Variants in TUNAR observed in about 807,000 individuals in gnomAD.
TUNAR encodes the protein transmembrane neural differentiation associated intracellular calcium regulator.
intron 2 of TUNAR, among the ~76,000 whole-genome samples, chr14:95,921,278 T>C (rs1043181479): frequency 7.9e-5 from 12 of 152,118 alleles, no homozygotes; most frequent in Non-Finnish European, 1.3e-4. Flanking sequence ...AGCTGACACA[T>C]AAATTTAACC....
intron 2 of TUNAR, among the ~76,000 whole-genome samples, chr14:95,915,819 A>G (rs1322313172): frequency 6.6e-6 from 1 of 152,252 alleles, no homozygotes; most frequent in Non-Finnish European, 1.5e-5. Context: ...GCAGCCCAAC[A>G]GAGGACTGGC....
intron 2 of TUNAR, among the ~76,000 whole-genome samples, chr14:95,881,848 T>C (rs547235071): frequency 2.0e-5 from 3 of 152,348 alleles, no homozygotes; most frequent in East Asian, 3.9e-4. Context: ...TGAAATACTC[T>C]GTCACCCCAT....
At chr14:95,920,190 G>A (rs1316726646) in intron 2 of TUNAR, among the ~76,000 whole-genome samples, 1 of 152,118 alleles carries the variant, frequency 6.6e-6, no homozygotes, top group African/African-American at 2.4e-5. Flanking sequence ...TTCCATTTAC[G>A]CAGAATTCAA....
At chr14:95,889,552 T>G (rs1363105227) in intron 2 of TUNAR, among the ~76,000 whole-genome samples, 1 of 150,744 alleles carries the variant, frequency 6.6e-6, no homozygotes, top group Non-Finnish European at 1.5e-5. Context: ...GGCTGTGAAC[T>G]TTCAGGTTCT....
intron 2 of TUNAR, among the ~76,000 whole-genome samples, chr14:95,907,266 C>T (rs951388246): frequency 4.1e-4 from 63 of 152,148 alleles, no homozygotes; most frequent in African/African-American, 1.5e-3. Context: ...GATGAACTTG[C>T]GTGTGTGTTT....
rs1036679607 is a variant in TUNAR at position 95,895,590 on chromosome 14, A to G, written c.12+18413A>G. ...AGGATCATGGTTCGCTCAGCCTCAC[A>G]TTGCTACAAAGTGGGAATTTTACCA... is the stretch of plus-strand genomic sequence containing the variant. On this transcript the variant is annotated intron_variant, in intron 2 of 2. Transcript: ENST00000678517. The surrounding 1 kb of genome is among the most constrained non-coding windows in gnomAD (Gnocchi z 4.5). 1.3e-5 allele frequency among the ~76,000 whole-genome samples: 2 copies of G among 152,192 alleles called. No homozygotes were observed. Among genetic ancestry groups the G allele is most frequent in the African/African-American group, 4.8e-5 (2 of 41,436 alleles).
At chr14:95,919,750 T>C (rs974156493) in intron 2 of TUNAR, among the ~76,000 whole-genome samples, 1 of 151,994 alleles carries the variant, frequency 6.6e-6, no homozygotes, top group Admixed American at 6.6e-5. Context: ...ATATATGTAG[T>C]TTAAAATGCA....
At chr14:95,894,918 A>G (rs1390911938) in intron 2 of TUNAR, among the ~76,000 whole-genome samples, 1 of 152,240 alleles carries the variant, frequency 6.6e-6, no homozygotes, top group Non-Finnish European at 1.5e-5. Context: ...AGTCCACAGC[A>G]TGTGCATATT....
At chr14:95,881,236 C>T (rs1041795883) in intron 2 of TUNAR, among the ~76,000 whole-genome samples, 4 of 152,216 alleles carry the variant, frequency 2.6e-5, no homozygotes, top group Non-Finnish European at 4.4e-5. Context: ...TTTCTTTTAA[C>T]TACACGAGGT....
chr14:95,919,597 C>T (rs1170425090), intron 2 of TUNAR, among the ~76,000 whole-genome samples: 1 of 151,998 alleles, frequency 6.6e-6, no homozygotes, highest in East Asian at 1.9e-4. Flanking sequence ...CTGGTGGTAC[C>T]AACTGCTTGG....
intron 2 of TUNAR, among the ~76,000 whole-genome samples, chr14:95,913,789 G>A (rs1463930142): frequency 6.6e-6 from 1 of 152,090 alleles, no homozygotes; most frequent in Non-Finnish European, 1.5e-5. Context: ...CTGGAGTGCA[G>A]TGGCACGATC....
rs1239776119 is a variant in TUNAR, at chr14:95,895,540, C to A, written c.12+18363C>A. On this transcript the variant is annotated intron_variant, in intron 2 of 2. Transcript: ENST00000678517. This position sits in a 1 kb window ranked among gnomAD's most constrained non-coding sequence, Gnocchi z 4.5. ...GATGGTCATGTTAGCATCTGTTTTA[C>A]AAGGGAGTTCCCGACGCATCCTCCA... 6.6e-6 allele frequency among the ~76,000 whole-genome samples: 1 copy of A among 152,164 alleles called. No homozygotes were observed. The highest frequency in any genetic ancestry group is 1.5e-5 in the Non-Finnish European group (1 of 68,024).
rs75360841 is a variant in TUNAR at position 95,911,429 on chromosome 14, G to A, written c.13-11352G>A. Among the ~76,000 whole-genome samples, 549 of 152,316 alleles carry A rather than the reference G, an allele frequency of 3.6e-3. 6 individuals are homozygous for A. The highest frequency in any genetic ancestry group is 0.013 in the African/African-American group (530 of 41,564). On this transcript the variant is annotated intron_variant, in intron 2 of 2. Coordinates refer to ENST00000678517, the Ensembl canonical transcript of TUNAR. Reference sequence around the variant, plus strand: ...GTGTTTTCCGTTCACTGGGCCATGAGCTCGTTGAGGGCCAGGGCCCTTGTC... The same window carrying A: ...GTGTTTTCCGTTCACTGGGCCATGAACTCGTTGAGGGCCAGGGCCCTTGTC...
chr14:95,887,946 C>T (rs760638050), intron 2 of TUNAR, among the ~76,000 whole-genome samples: 1 of 152,234 alleles, frequency 6.6e-6, no homozygotes, highest in Non-Finnish European at 1.5e-5. Context: ...ACTTGGCTGG[C>T]GGCACTCTGT....
chr14:95,924,560 G>A (rs1457463018), exon 3 of TUNAR: 2 of 152,374 alleles, frequency 1.3e-5, no homozygotes, highest in Non-Finnish European at 2.9e-5. Flanking sequence ...TGGACTTACA[G>A]TTCCACGTGG....
chr14:95,912,136 T>G (rs1889524853), intron 2 of TUNAR, among the ~76,000 whole-genome samples: 1 of 152,234 alleles, frequency 6.6e-6, no homozygotes, highest in African/African-American at 2.4e-5. Flanking sequence ...ATATATTGAT[T>G]GCTTTGAACA....
chr14:95,885,377 G>A (rs886741413), intron 2 of TUNAR, among the ~76,000 whole-genome samples: 1 of 152,218 alleles, frequency 6.6e-6, no homozygotes, highest in Non-Finnish European at 1.5e-5. Flanking sequence ...TGGGGAAAAC[G>A]TGTTACGTAA....
chr14:95,905,064 GC>G (rs1260889562), intron 2 of TUNAR, among the ~76,000 whole-genome samples: 2 of 152,188 alleles, frequency 1.3e-5, no homozygotes, highest in Non-Finnish European at 2.9e-5. Context: ...CTTAGCAAAG[GC>G]CCTGGTGGTT....
At chr14:95,907,312 A>G (rs1389577044) in intron 2 of TUNAR, among the ~76,000 whole-genome samples, 1 of 152,234 alleles carries the variant, frequency 6.6e-6, no homozygotes, top group Non-Finnish European at 1.5e-5. Context: ...GGTAGAGTCC[A>G]AGAAATGGAG....
Sources: gnomAD v4.1 joint callset for allele counts (sites outside exome capture counted in the v4.1 genomes callset) on GRCh38, gnomAD v4.1.1 for gene constraint, Gnocchi (gnomAD v3.1) non-coding constraint, MANE v1.5 for transcripts, NCBI Gene and HGNC (gene_info 2026-07-23, HGNC 2026-07-21) for gene names.